RIMS1: variants seen among roughly 807,000 people sequenced by gnomAD.
The protein encoded by RIMS1 is regulating synaptic membrane exocytosis protein 1.
RIMS1 carries 83 observed loss-of-function variants against 214.1 expected under a neutral mutation model. The ratio of observed to expected loss-of-function variants is 0.39; its 90% CI spans 0.32 to 0.47. The LOEUF (loss-of-function observed/expected upper bound fraction) is 0.47, where lower values mean the gene tolerates loss of function less well. Ranked by LOEUF, RIMS1 falls within the 20% of genes least tolerant of loss-of-function variation. The probability of loss-of-function intolerance (pLI) is 0.99; values close to 1 mark genes in which losing one functional copy is unlikely to be tolerated. For synonymous variants in RIMS1, 793 were observed against 786.8 expected (o/e 1.01, Z -0.13); for missense variants, 2,050 against 2,161.8 (o/e 0.95, Z 1.03).
intron 2 of RIMS1, among the ~76,000 whole-genome samples, chr6:72,072,399 T>C (rs1830770183): frequency 6.6e-6 from 1 of 152,152 alleles, no homozygotes; most frequent in Admixed American, 6.5e-5. Context: ...TGAAATTCTA[T>C]AGTCATTCAA....
intron 1 of RIMS1, among the ~76,000 whole-genome samples, chr6:71,923,175 T>C (rs761133551): frequency 1.3e-5 from 2 of 152,238 alleles, no homozygotes; most frequent in Non-Finnish European, 2.9e-5. Flanking sequence ...TAGGTTTCTA[T>C]ATTTAAAACA....
chr6:71,890,451 TC>T (rs1273273140), intron 1 of RIMS1, among the ~76,000 whole-genome samples: 1 of 70,526 alleles, frequency 1.4e-5, no homozygotes, highest in Non-Finnish European at 3.1e-5. Context: ...CGATGAATAC[TC>T]CTTCAAGTAA....
intron 1 of RIMS1, among the ~76,000 whole-genome samples, chr6:71,907,714 G>A (rs1490666356): frequency 7.2e-5 from 11 of 152,190 alleles, no homozygotes; most frequent in East Asian, 3.9e-4. Flanking sequence ...AGCTCACAGC[G>A]TATATACATA....
At chr6:72,320,172 C>A (rs9442769) in intron 28 of RIMS1, among the ~76,000 whole-genome samples, 51,504 of 151,826 alleles carry the variant, frequency 0.34, 9,099 homozygotes, top group Non-Finnish European at 0.38. Flanking sequence ...CAGTTTTATT[C>A]GAGTGTTTTT....
At chr6:71,971,458 G>A (rs1402960293) in intron 2 of RIMS1, among the ~76,000 whole-genome samples, 4 of 152,282 alleles carry the variant, frequency 2.6e-5, no homozygotes, top group African/African-American at 7.2e-5. Flanking sequence ...TGGGTTTTAA[G>A]GAAAGAGTTT....
chr6:72,169,283 G>A (rs1252583222), intron 4 of RIMS1, among the ~76,000 whole-genome samples: 1 of 152,092 alleles, frequency 6.6e-6, no homozygotes, highest in Non-Finnish European at 1.5e-5. Context: ...CATGCATAAT[G>A]CATTACACAA....
In RIMS1 at chr6:72,062,393, C is replaced by A. The variant is rs141535232; in HGVS notation, c.246-34556C>A. 2.9e-3 allele frequency among the ~76,000 whole-genome samples: 445 copies of A among 152,186 alleles called. 1 individual carries two copies. The highest frequency in any genetic ancestry group is 0.01 in the African/African-American group (421 of 41,530). ...CCTCCTTCTTTCCATCCCTGTCTCA[C>A]TTCCTTTCCAAACCTTTGTTAAGTA... On this transcript the variant is annotated intron_variant, in intron 2 of 33. Coordinates refer to ENST00000521978, the MANE Select transcript of RIMS1 (RefSeq NM_014989.7).
chr6:72,182,758 G>A lies in RIMS1; in HGVS notation c.1287G>A (p.Ser429=), dbSNP rs895110491. The part of the protein sequence containing the change: ...ASPPDSPRAY[S]AERTAETRAP... ...CGCCGGACTCGCCGCGGGCTTACTC[G>A]GCTGAGAGAACTGCGGAGACCAGGG... Residue 429 remains serine (S), a synonymous_variant, in exon 6 of 34, where the codon TCG becomes TCA. Transcript: ENST00000521978. The A allele has an allele frequency of 1.5e-5, 23 of 1,543,862 alleles. No individual in the cohort carries two copies. Among genetic ancestry groups the A allele is most frequent in the Non-Finnish European group, 1.8e-5 (21 of 1,148,846 alleles).
intron 29 of RIMS1, among the ~76,000 whole-genome samples, chr6:72,335,267 C>A (rs971665853): frequency 6.6e-6 from 1 of 151,964 alleles, no homozygotes; most frequent in African/African-American, 2.4e-5. Context: ...GTGTGATGTT[C>A]CCTTCCCTGT....
intron 29 of RIMS1, among the ~76,000 whole-genome samples, chr6:72,369,416 T>C (rs1301490866): frequency 2.0e-5 from 3 of 152,004 alleles, no homozygotes; most frequent in African/African-American, 7.3e-5. Context: ...CTGTAGGACA[T>C]GTATATTAAA....
At chr6:72,312,254 CAT>C (rs1244575557) in intron 27 of RIMS1, among the ~76,000 whole-genome samples, 3 of 152,054 alleles carry the variant, frequency 2.0e-5, no homozygotes, top group Admixed American at 2.0e-4. Context: ...CTTTATTTCT[CAT>C]AAATCTAAAA....
chr6:71,980,538 T>G (rs892388374), intron 2 of RIMS1, among the ~76,000 whole-genome samples: 1 of 152,132 alleles, frequency 6.6e-6, no homozygotes, highest in Non-Finnish European at 1.5e-5. Flanking sequence ...GAGGCCAGTT[T>G]ATGAATGTCC....
chr6:72,073,031 A>G (rs988120772), intron 2 of RIMS1, among the ~76,000 whole-genome samples: 10 of 152,150 alleles, frequency 6.6e-5, no homozygotes, highest in Non-Finnish European at 1.2e-4. Flanking sequence ...AGAGAGCAAA[A>G]TCCATAGAGA....
chr6:72,203,536 A>G (rs2052404611), intron 6 of RIMS1, among the ~76,000 whole-genome samples: 1 of 152,190 alleles, frequency 6.6e-6, no homozygotes, highest in Non-Finnish European at 1.5e-5. Flanking sequence ...AGGTTGAGGG[A>G]ACAGGTTATC....
intron 6 of RIMS1, among the ~76,000 whole-genome samples, chr6:72,199,412 G>A (rs1038578050): frequency 6.6e-6 from 1 of 151,992 alleles, no homozygotes; most frequent in Non-Finnish European, 1.5e-5. Flanking sequence ...CCATTTTCTT[G>A]GTTCTAGGGT....
chr6:71,917,867 G>A (rs1287383736), intron 1 of RIMS1, among the ~76,000 whole-genome samples: 2 of 152,134 alleles, frequency 1.3e-5, no homozygotes, highest in African/African-American at 2.4e-5. Context: ...AGTGTTAGTA[G>A]AACAAAGGAG....
At position 72,362,328 on chromosome 6, in the gene RIMS1, A is replaced by G. The variant is rs2097854502; in HGVS notation, c.4367-28270A>G. ...AAGAAATTTTAAAATGAGTATTACC[A>G]TATTTATTACTGGACTGGCTCCATG... is the stretch of plus-strand genomic sequence containing the variant. On this transcript the variant is annotated intron_variant, in intron 29 of 33. Coordinates refer to ENST00000521978, the MANE Select transcript of RIMS1 (RefSeq NM_014989.7). Among the ~76,000 whole-genome samples the G allele has an allele frequency of 4.6e-5, 7 of 152,176 alleles. No individual in the cohort carries two copies. The South Asian group carries it at 1.4e-3, about 31-fold the overall frequency.
chr6:72,076,559 T>G (rs1218434498), intron 2 of RIMS1, among the ~76,000 whole-genome samples: 1 of 152,210 alleles, frequency 6.6e-6, no homozygotes, highest in East Asian at 1.9e-4. Context: ...GTTTTAATAT[T>G]TGAATTCTGG....
chr6:72,064,281 G>A (rs1039627201), intron 2 of RIMS1, among the ~76,000 whole-genome samples: 1 of 151,850 alleles, frequency 6.6e-6, no homozygotes, highest in African/African-American at 2.4e-5. Flanking sequence ...TCGTGCCATT[G>A]CACTCCAGCC....
Sources: gnomAD v4.1 joint callset for allele counts (sites outside exome capture counted in the v4.1 genomes callset) on GRCh38, gnomAD v4.1.1 for gene constraint, MANE v1.5 for transcripts, NCBI Gene and HGNC (gene_info 2026-07-23, HGNC 2026-07-21) for gene names.